Variants in RBBP5 observed in about 807,000 individuals in gnomAD.
RBBP5 encodes the protein RB binding protein 5, histone lysine methyltransferase complex subunit.
A neutral mutation model predicts 72.2 loss-of-function variants in RBBP5; 5 were observed. The observed-to-expected ratio is 0.07, with a 90% CI of 0.04 to 0.15. The LOEUF (loss-of-function observed/expected upper bound fraction) is 0.15. Ranked by LOEUF, RBBP5 falls within the 10% of genes least tolerant of loss-of-function variation. The pLI is 1.00. For missense variants in RBBP5, 322 were observed against 652.2 expected (o/e 0.49, Z 5.51); for synonymous variants, 209 against 237.2 (o/e 0.88, Z 1.09).
chr1:205,100,461 A>G (rs1558574445), intron 6 of RBBP5, among the ~76,000 whole-genome samples, 190 bp from the exon 7 acceptor site: 1 of 152,250 alleles, frequency 6.6e-6, no homozygotes, highest in South Asian at 2.1e-4. Context: ...CTTCCTGTGT[A>G]TCCCTGAACC....
chr1:205,121,750 A>G, intron 1 of RBBP5, 105 bp downstream of exon 1: 3 of 1,556,762 alleles, frequency 1.9e-6, no homozygotes, highest in Non-Finnish European at 2.6e-6. Context: ...AGTGATCCAT[A>G]GCCGAACAGT....
intron 1 of RBBP5, among the ~76,000 whole-genome samples, chr1:205,121,241 G>C (rs1656726235): frequency 6.6e-6 from 1 of 152,156 alleles, no homozygotes. Context: ...CAAAGTGAGG[G>C]CGACAAAAGA....
intron 3 of RBBP5, among the ~76,000 whole-genome samples, chr1:205,110,483 T>G (rs1469531354): frequency 1.3e-5 from 2 of 152,208 alleles, no homozygotes; most frequent in Admixed American, 1.3e-4. Context: ...CTATGATGCA[T>G]GTATACTGTG....
intron 13 of RBBP5, chr1:205,091,909 C>T (rs988944654): frequency 3.3e-5 from 5 of 152,156 alleles, no homozygotes; most frequent in Non-Finnish European, 7.3e-5. Flanking sequence ...GGTGGAAAAT[C>T]TACAATAACT....
chr1:205,097,915 C>G (rs1226306654), intron 10 of RBBP5, among the ~76,000 whole-genome samples: 2 of 151,886 alleles, frequency 1.3e-5, no homozygotes, highest in Non-Finnish European at 2.9e-5. Flanking sequence ...TCTCGGGGGT[C>G]AATAATCTGT....
intron 1 of RBBP5, among the ~76,000 whole-genome samples, chr1:205,117,101 G>A (rs1656556576): frequency 1.3e-5 from 2 of 151,912 alleles, no homozygotes; most frequent in Non-Finnish European, 2.9e-5. Context: ...TCCCAGGCTG[G>A]AGGGCAGTGG....
intron 13 of RBBP5, among the ~76,000 whole-genome samples, chr1:205,092,695 G>A (rs762432917): frequency 2.0e-5 from 3 of 152,098 alleles, no homozygotes; most frequent in Non-Finnish European, 2.9e-5. Context: ...CTCTCAAAGT[G>A]CTGGGATTAT....
At chr1:205,093,513 TATATATATATATATATATATACAC>T (rs1415632007) in intron 13 of RBBP5, among the ~76,000 whole-genome samples, 108 of 9,932 alleles carry the variant, frequency 0.011, 2 homozygotes, top group African/African-American at 0.05. Flanking sequence ...TATATATATA[TATATATATATATATATATATACAC>T]ACACACACAC....
At chr1:205,092,768 G>A (rs1302496992) in intron 13 of RBBP5, among the ~76,000 whole-genome samples, 2 of 151,564 alleles carry the variant, frequency 1.3e-5, no homozygotes, top group Non-Finnish European at 2.9e-5. Context: ...CTTTTACATA[G>A]ATGGGGTCTC....
chr1:205,120,536 C>CT (rs1396018558), intron 1 of RBBP5, among the ~76,000 whole-genome samples: 2 of 152,180 alleles, frequency 1.3e-5, no homozygotes, highest in Non-Finnish European at 2.9e-5. Flanking sequence ...AGGCCGGACA[C>CT]TTTGGGAGGC....
At chr1:205,110,709 A>C (rs1656277802) in intron 3 of RBBP5, among the ~76,000 whole-genome samples, 1 of 152,234 alleles carries the variant, frequency 6.6e-6, no homozygotes, top group Non-Finnish European at 1.5e-5. Flanking sequence ...TACCCTAAGA[A>C]GTAGACAAAG....
intron 13 of RBBP5, chr1:205,091,594 A>T (rs1462502372): frequency 6.6e-6 from 1 of 151,998 alleles, no homozygotes; most frequent in East Asian, 1.9e-4. Context: ...TGAAATGCAT[A>T]CTCTCCTGTT....
intron 13 of RBBP5, among the ~76,000 whole-genome samples, chr1:205,092,879 T>C (rs951428054): frequency 6.6e-5 from 10 of 152,234 alleles, no homozygotes; most frequent in African/African-American, 2.2e-4. Flanking sequence ...TTATTTACCA[T>C]AATTTCCTTT....
At chr1:205,114,248 T>TA (rs1358922460) in intron 3 of RBBP5, among the ~76,000 whole-genome samples, 1 of 152,050 alleles carries the variant, frequency 6.6e-6, no homozygotes, top group Non-Finnish European at 1.5e-5. Context: ...CAAGTTCATT[T>TA]AAAAAAAATG....
At chr1:205,104,463 C>CAGTA (rs1459971708) in intron 4 of RBBP5, among the ~76,000 whole-genome samples, 2 of 151,964 alleles carry the variant, frequency 1.3e-5, no homozygotes, top group African/African-American at 2.4e-5. Context: ...GAGGAGGGTG[C>CAGTA]AGTAAGCTGA....
At chr1:205,114,983 A>G (rs1324141292) in intron 2 of RBBP5, 22 bp from the exon 3 acceptor site, 1 of 1,565,558 alleles carries the variant, frequency 6.4e-7, no homozygotes, top group South Asian at 1.2e-5. Context: ...AACAAATACA[A>G]GAATAGAGGC....
At chr1:205,114,355 GT>G (rs1285628434) in intron 3 of RBBP5, among the ~76,000 whole-genome samples, 7 of 152,232 alleles carry the variant, frequency 4.6e-5, no homozygotes, top group Non-Finnish European at 8.8e-5. Flanking sequence ...CTGTTTTTAC[GT>G]TTTCTATAAA....
chr1:205,095,503 A>G (rs995781131), intron 12 of RBBP5, among the ~76,000 whole-genome samples: 3 of 152,212 alleles, frequency 2.0e-5, no homozygotes, highest in Non-Finnish European at 2.9e-5. Flanking sequence ...TTATATGTTC[A>G]TGCCAAGCCA....
At chr1:205,105,275 A>T in intron 3 of RBBP5, 107 bp from the exon 4 acceptor site, 1 of 1,332,772 alleles carries the variant, frequency 7.5e-7, no homozygotes, top group Admixed American at 2.0e-5. Flanking sequence ...ACAGGTCAAC[A>T]ATGTTTTTGG....
Sources: gnomAD v4.1 joint callset for allele counts (sites outside exome capture counted in the v4.1 genomes callset) on GRCh38, gnomAD v4.1.1 for gene constraint, MANE v1.5 for transcripts, NCBI Gene and HGNC (gene_info 2026-07-23, HGNC 2026-07-21) for gene names.